EDAR: variants seen among roughly 807,000 people sequenced by gnomAD.
EDAR encodes ectodysplasin A receptor, also known as tumor necrosis factor receptor superfamily member EDAR.
EDAR carries 38 observed loss-of-function variants against 51.3 expected under a neutral mutation model. The observed-to-expected ratio is 0.74, with a 90% confidence interval of 0.57 to 0.97. The LOEUF is 0.97. Among genes scored for constraint, EDAR ranks in the 50% least tolerant of loss-of-function variants. EDAR has a pLI of 0.00. For synonymous variants in EDAR, 227 were observed against 242.1 expected, an observed-to-expected ratio of 0.94 and a Z score of 0.58; for missense variants, 528 against 595.0, an observed-to-expected ratio of 0.89 and a Z score of 1.17.
intron 3 of EDAR, 139 bp from the exon 4 acceptor site, chr2:108,929,518 C>T (rs1697325641): frequency 1.1e-6 from 1 of 912,532 alleles, no homozygotes; most frequent in African/African-American, 1.6e-5. Context: ...CTGAGTTGTC[C>T]TAACTGCAAA....
At chr2:108,929,510 G>C in intron 3 of EDAR, 131 bp from the exon 4 acceptor site, 1 of 991,908 alleles carries the variant, frequency 1.0e-6, no homozygotes, top group South Asian at 1.4e-5. Context: ...TTGGTTTCCT[G>C]AGTTGTCCTA....
chr2:108,941,753 C>T (rs1697602464), intron 1 of EDAR, among the ~76,000 whole-genome samples: 4 of 152,204 alleles, frequency 2.6e-5, no homozygotes, highest in African/African-American at 9.7e-5. Flanking sequence ...GTGTATTATG[C>T]TCGCACACAG....
At chr2:108,958,255 T>C (rs1697962026) in intron 1 of EDAR, among the ~76,000 whole-genome samples, 1 of 152,156 alleles carries the variant, frequency 6.6e-6, no homozygotes, top group South Asian at 2.1e-4. Context: ...CACCTTTCCT[T>C]AAGCTCACTG....
intron 1 of EDAR, among the ~76,000 whole-genome samples, chr2:108,944,562 CT>C (rs1697678361): frequency 6.6e-6 from 1 of 152,126 alleles, no homozygotes; most frequent in African/African-American, 2.4e-5. Context: ...TGATAATGGG[CT>C]CCTTCACAAG....
At chr2:108,912,008 T>C (rs1696937367) in intron 6 of EDAR, among the ~76,000 whole-genome samples, 1 of 152,232 alleles carries the variant, frequency 6.6e-6, no homozygotes, top group South Asian at 2.1e-4. Context: ...ATGAGATTCA[T>C]ATATCCTCGC....
intron 5 of EDAR, among the ~76,000 whole-genome samples, chr2:108,922,448 C>T (rs1697161328): frequency 6.6e-6 from 1 of 152,194 alleles, no homozygotes. Flanking sequence ...TGCATTGCTC[C>T]TCCTGCAGCA....
At chr2:108,973,219 A>T (rs1434451733) in intron 1 of EDAR, among the ~76,000 whole-genome samples, 1 of 152,164 alleles carries the variant, frequency 6.6e-6, no homozygotes, top group Non-Finnish European at 1.5e-5. Context: ...AACTCCTGAC[A>T]TCAGGTGTTC....
chr2:108,919,534 T>C (rs772205286), intron 5 of EDAR, among the ~76,000 whole-genome samples: 24 of 152,236 alleles, frequency 1.6e-4, no homozygotes, highest in Admixed American at 8.5e-4. Flanking sequence ...AATTTTGTAT[T>C]TTTAGTAGAG....
chr2:108,945,178 G>A (rs1191029657), intron 1 of EDAR, among the ~76,000 whole-genome samples: 2 of 152,180 alleles, frequency 1.3e-5, no homozygotes, highest in African/African-American at 4.8e-5. Flanking sequence ...AGGGCACTCA[G>A]CCAAGCCCAG....
chr2:108,941,849 C>T (rs59241810), intron 1 of EDAR, among the ~76,000 whole-genome samples: 4,489 of 152,318 alleles, frequency 0.029, 134 homozygotes, highest in African/African-American at 0.077. Context: ...GCAGCCTCTT[C>T]CCAGCCTCAG....
At chr2:108,938,871 C>T (rs1319181317) in intron 1 of EDAR, among the ~76,000 whole-genome samples, 1 of 151,014 alleles carries the variant, frequency 6.6e-6, no homozygotes, top group Middle Eastern at 3.2e-3. Context: ...CCTCCACCTC[C>T]TGGGTTCAAG....
intron 1 of EDAR, among the ~76,000 whole-genome samples, chr2:108,965,198 C>G (rs1173519463): frequency 6.6e-6 from 1 of 152,076 alleles, no homozygotes; most frequent in Non-Finnish European, 1.5e-5. Flanking sequence ...AACAAATGGG[C>G]CAGGCGCGGT....
intron 1 of EDAR, among the ~76,000 whole-genome samples, chr2:108,951,878 A>G (rs1247041335): frequency 6.6e-6 from 1 of 152,214 alleles, no homozygotes; most frequent in Non-Finnish European, 1.5e-5. Flanking sequence ...GATCTTCCCA[A>G]GGTCTCTTGA....
intron 11 of EDAR, among the ~76,000 whole-genome samples, chr2:108,904,301 G>GT (rs1274508793): frequency 6.6e-6 from 1 of 152,260 alleles, no homozygotes; most frequent in African/African-American, 2.4e-5. Context: ...ACAAAACATA[G>GT]TAACACCACC....
chr2:108,932,664 T>G (rs971273737), intron 1 of EDAR, among the ~76,000 whole-genome samples: 1 of 151,688 alleles, frequency 6.6e-6, no homozygotes, highest in Non-Finnish European at 1.5e-5. Flanking sequence ...GGGACTGACA[T>G]GGACAATCTT....
intron 4 of EDAR, among the ~76,000 whole-genome samples, chr2:108,924,093 G>A (rs1233398902): frequency 6.6e-6 from 1 of 152,254 alleles, no homozygotes; most frequent in African/African-American, 2.4e-5. Flanking sequence ...ACCCTTGGAA[G>A]TGCAAGCCTT....
chr2:108,979,872 C>T (rs910444627), intron 1 of EDAR, among the ~76,000 whole-genome samples: 5 of 152,152 alleles, frequency 3.3e-5, no homozygotes, highest in Non-Finnish European at 5.9e-5. Context: ...ACGGGCAGCA[C>T]ACGGGTAGGG....
chr2:108,933,763 C>T (rs897749999), intron 1 of EDAR, among the ~76,000 whole-genome samples: 41 of 151,718 alleles, frequency 2.7e-4, no homozygotes, highest in African/African-American at 8.5e-4. Flanking sequence ...CAGGCAGCGA[C>T]GGGAGATCGG....
In EDAR at chr2:108,896,759, T is replaced by C; in HGVS notation, c.*148A>G. The C allele has an allele frequency of 1.3e-6, 1 of 750,446 alleles. No individual in the cohort carries two copies. The highest frequency in any genetic ancestry group is 2.1e-6 in the Non-Finnish European group (1 of 470,294). 46.5% of individuals were successfully genotyped at this position (750,446 alleles called of 1,614,324 possible). ...TGGTTAAATTGGAAGACAGGCCTTATTTCGTCTGGCTCCTTGAACATCCTA... is the reference window on the plus strand; with the variant it reads ...TGGTTAAATTGGAAGACAGGCCTTACTTCGTCTGGCTCCTTGAACATCCTA... On this transcript the variant is annotated 3_prime_UTR_variant, in exon 12 of 12. Coordinates refer to ENST00000258443, the MANE Select transcript of EDAR (RefSeq NM_022336.4).
Sources: allele counts gnomAD v4.1 joint callset (sites outside exome capture counted in the v4.1 genomes callset), GRCh38; gene constraint gnomAD v4.1.1; transcripts MANE v1.5; gene names NCBI Gene and HGNC (gene_info 2026-07-23, HGNC 2026-07-21).